Variants in HPS5 observed in about 807,000 individuals in gnomAD.
HPS5 encodes HPS5 biogenesis of lysosomal organelles complex 2 subunit 2.
In HPS5, 83 loss-of-function variants were observed where a neutral mutation model predicts 128.0. That is an observed-to-expected ratio of 0.65 (90% CI 0.54 to 0.78). The LOEUF (loss-of-function observed/expected upper bound fraction) is 0.78. Among genes scored for constraint, HPS5 ranks in the 30% least tolerant of loss-of-function variants. The probability of loss-of-function intolerance (pLI) is 0.00; values close to 1 mark genes in which losing one functional copy is unlikely to be tolerated. For missense variants in HPS5, 1,281 were observed against 1,326.2 expected, an observed-to-expected ratio of 0.97 and a Z score of 0.53; for synonymous variants, 475 against 470.2, an observed-to-expected ratio of 1.01 and a Z score of -0.13.
intron 1 of HPS5, among the ~76,000 whole-genome samples, chr11:18,320,251 C>T (rs1864163977): frequency 6.6e-6 from 1 of 152,160 alleles, no homozygotes; most frequent in Non-Finnish European, 1.5e-5. Context: ...TGCTTCCCTT[C>T]CAGATTTTCT....
At chr11:18,307,438 C>T (rs1448849321) in intron 6 of HPS5, among the ~76,000 whole-genome samples, 1 of 152,102 alleles carries the variant, frequency 6.6e-6, no homozygotes, top group Non-Finnish European at 1.5e-5. Flanking sequence ...ATTACTTATA[C>T]TCCTTATTTG....
At position 18,280,058 on chromosome 11, in the gene HPS5, T is replaced by C. The variant is rs11024601; in HGVS notation, c.3330-116A>G. 494,950 of 1,005,800 alleles carry C rather than the reference T, an allele frequency of 0.49. 125,047 individuals are homozygous for C. The highest frequency in any genetic ancestry group is 0.52 in the Non-Finnish European group (337,725 of 647,486). The allele number at this position is 1,005,800 out of a possible 1,614,324, so 62.3% of individuals were successfully genotyped here. A position where few individuals can be genotyped will look rare whatever the true frequency, so the allele number is the denominator to read the frequency against. ...CAAAAAGTTGACTGATTCTGTGCAT[T>C]AAAAGACACAATGCACAGAGTGAAA... On this transcript the variant is annotated intron_variant, in intron 22 of 22. Transcript: ENST00000349215.
At chr11:18,284,317 TCTTC>T (rs1191844628) in intron 20 of HPS5, among the ~76,000 whole-genome samples, 3 of 152,212 alleles carry the variant, frequency 2.0e-5, no homozygotes, top group African/African-American at 7.2e-5. Flanking sequence ...ACCTTGGAAG[TCTTC>T]CTTGACTCTT....
chr11:18,298,933 G>A lies in HPS5; in HGVS notation c.1023C>T (p.Phe341=), dbSNP rs1861395291. 1 of 1,614,082 alleles carries A rather than the reference G, an allele frequency of 6.2e-7. No individual in the cohort carries two copies. The highest frequency in any genetic ancestry group is 8.5e-7 in the Non-Finnish European group (1 of 1,180,030). ...AGACTTTCCCATTTAGGTGCAAACAGAACAATTCATTCCTACAGACAGCCA... is the reference window on the plus strand; with the variant it reads ...AGACTTTCCCATTTAGGTGCAAACAAAACAATTCATTCCTACAGACAGCCA... ...QDVAVCRNEL[F]CLHLNGKVSH... is the part of the protein sequence containing the mutation. The change falls in exon 10 of 23, where the codon TTC becomes TTT. Residue 341 remains phenylalanine, a synonymous_variant. Transcript: ENST00000349215.
chr11:18,300,980 A>G, intron 8 of HPS5, 64 bp from the exon 9 acceptor site: 1 of 930,476 alleles, frequency 1.1e-6, no homozygotes, highest in Non-Finnish European at 1.8e-6. Context: ...AATTCCCCGA[A>G]TTCAGATCCT....
At chr11:18,313,320 C>T (rs1024664047) in intron 2 of HPS5, among the ~76,000 whole-genome samples, 3 of 152,208 alleles carry the variant, frequency 2.0e-5, no homozygotes, top group African/African-American at 7.2e-5. Flanking sequence ...ACTCTCTGCA[C>T]CCACGCCTGG....
At chr11:18,282,720 T>G (rs1346798910) in intron 21 of HPS5, among the ~76,000 whole-genome samples, 1 of 152,154 alleles carries the variant, frequency 6.6e-6, no homozygotes, top group Non-Finnish European at 1.5e-5. Context: ...CACGTAAGTA[T>G]ATACTTATAA....
chr11:18,300,925 G>A lies in HPS5; in HGVS notation c.897-9C>T, dbSNP rs1417525002. 18 of 1,494,754 alleles carry A rather than the reference G, an allele frequency of 1.2e-5. No homozygotes were observed. Among genetic ancestry groups the A allele is most frequent in the Non-Finnish European group, 1.7e-5 (18 of 1,071,558 alleles). The allele number at this position is 1,494,754 out of a possible 1,614,324, so 92.6% of individuals were successfully genotyped here. On this transcript the variant is annotated splice_polypyrimidine_tract_variant and intron_variant, in intron 8 of 22. Transcript: ENST00000349215. ...TCAGCACACAATGCTCACTGCAAGA[G>A]AAGAAGTGAAGAGAATTCAAGTGTG...
intron 22 of HPS5, among the ~76,000 whole-genome samples, chr11:18,280,263 A>G (rs918139418): frequency 2.0e-5 from 3 of 152,242 alleles, no homozygotes; most frequent in African/African-American, 7.2e-5. Flanking sequence ...GTCAATAAGC[A>G]TATGAAAAAA....
At chr11:18,289,127 G>A (rs576585299) in intron 16 of HPS5, among the ~76,000 whole-genome samples, 1 of 152,272 alleles carries the variant, frequency 6.6e-6, no homozygotes, top group African/African-American at 2.4e-5. Context: ...ATCATTAGAA[G>A]GGTGAGGCCT....
At chr11:18,287,492 T>C (rs1204632072) in intron 18 of HPS5, 43 bp downstream of exon 18, 5 of 1,604,330 alleles carry the variant, frequency 3.1e-6, no homozygotes, top group Non-Finnish European at 4.3e-6. Context: ...AACAATGCCC[T>C]GTCAAAAGAA....
At chr11:18,288,288 C>T (rs904618890) in intron 16 of HPS5, among the ~76,000 whole-genome samples, 1 of 152,182 alleles carries the variant, frequency 6.6e-6, no homozygotes, top group East Asian at 1.9e-4. Flanking sequence ...GTGACTATTA[C>T]TCTTAAAATA....
intron 10 of HPS5, among the ~76,000 whole-genome samples, chr11:18,298,219 G>GT (rs1861307175): frequency 6.6e-6 from 1 of 152,150 alleles, no homozygotes; most frequent in Non-Finnish European, 1.5e-5. Flanking sequence ...AAGGCCATGT[G>GT]TGGTGGCTGA....
chr11:18,297,044 A>G, intron 11 of HPS5, 60 bp from the exon 12 acceptor site: 2 of 1,073,816 alleles, frequency 1.9e-6, no homozygotes, highest in Non-Finnish European at 2.8e-6. Context: ...TAACGTTAAT[A>G]TAACTTCTGC....
At chr11:18,317,951 C>A in intron 1 of HPS5, 44 bp from the exon 2 acceptor site, 1 of 1,367,284 alleles carries the variant, frequency 7.3e-7, no homozygotes, top group South Asian at 1.2e-5. Flanking sequence ...GCCCACCATT[C>A]ATTTAACATG....
In HPS5 at chr11:18,279,854, T is replaced by C; in HGVS notation, c.*28A>G. 1.2e-6 allele frequency: 2 copies of C among 1,606,154 alleles called. No individual in the cohort carries two copies. The highest frequency in any genetic ancestry group is 1.7e-6 in the Non-Finnish European group (2 of 1,172,722). On this transcript the variant is annotated 3_prime_UTR_variant, in exon 23 of 23. Transcript: ENST00000349215. ...GCATGATTTAGTTTTTCTCAAAATGTCATGACATCCTGCTGAATCTTCTCC... is the reference window on the plus strand; with the variant it reads ...GCATGATTTAGTTTTTCTCAAAATGCCATGACATCCTGCTGAATCTTCTCC...
rs147069690 is a variant in HPS5, at chr11:18,286,452, T to TA, written c.2837+138dup. On this transcript the variant is annotated intron_variant, in intron 19 of 22. Coordinates refer to ENST00000349215, the MANE Select transcript of HPS5 (RefSeq NM_181507.2). ...CTCAGGAAGCTAAGGTTGAAGGGTT[T>TA]AATCACCTGAGCCTAGGAGGTCAAG... 2.6e-3 allele frequency: 2,073 copies of TA among 797,220 alleles called. 25 individuals are homozygous for TA. In the African/African-American group the frequency reaches 0.028, roughly 11 times the overall value. 49.4% of individuals were successfully genotyped at this position (797,220 alleles called of 1,614,324 possible).
At chr11:18,294,236 A>C (rs1243895342) in intron 14 of HPS5, among the ~76,000 whole-genome samples, 1 of 152,200 alleles carries the variant, frequency 6.6e-6, no homozygotes, top group Non-Finnish European at 1.5e-5. Context: ...AACGTTGCCT[A>C]AAGAATCCCT....
intron 16 of HPS5, among the ~76,000 whole-genome samples, chr11:18,290,509 T>C (rs958928297): frequency 6.6e-6 from 1 of 152,232 alleles, no homozygotes; most frequent in Admixed American, 6.5e-5. Context: ...TCTGTATTAG[T>C]AAGTTACATG....
Sources: allele counts gnomAD v4.1 joint callset (sites outside exome capture counted in the v4.1 genomes callset), GRCh38; gene constraint gnomAD v4.1.1; transcripts MANE v1.5; gene names NCBI Gene and HGNC (gene_info 2026-07-23, HGNC 2026-07-21).